The following TFPI variants were observed in gnomAD, a reference collection of about 807,000 sequenced individuals.
The protein encoded by TFPI is tissue factor pathway inhibitor.
In TFPI, 15 loss-of-function variants were observed where a neutral mutation model predicts 34.6. The ratio of observed to expected loss-of-function variants is 0.43; its 90% CI spans 0.29 to 0.67. The LOEUF is 0.67. Ranked by LOEUF, TFPI falls within the 30% of genes least tolerant of loss-of-function variation. The pLI is 0.15. For synonymous variants in TFPI, 105 were observed against 120.1 expected (o/e 0.87, Z 0.82); for missense variants, 301 against 364.0 (o/e 0.83, Z 1.41).
chr2:187,496,645 G>A lies in TFPI; in HGVS notation c.319+236C>T, dbSNP rs540839292. ...GATAATTTGCTTTAAAATGTCTCTC[G>A]GGCATATAGAGAGTTTCTGGTACCT... On this transcript the variant is annotated intron_variant, in intron 3 of 7. Coordinates refer to ENST00000233156, the MANE Select transcript of TFPI (RefSeq NM_006287.6). 2.8e-4 allele frequency among the ~76,000 whole-genome samples: 42 copies of A among 152,006 alleles called. No individual in the cohort carries two copies. In the South Asian group the frequency reaches 7.3e-3, roughly 26 times the overall value.
chr2:187,488,996 C>G (rs1693504324), intron 3 of TFPI, among the ~76,000 whole-genome samples: 1 of 151,382 alleles, frequency 6.6e-6, no homozygotes, highest in Non-Finnish European at 1.5e-5. Context: ...ATTCTAAGTT[C>G]TAATTTAAAT....
intron 1 of TFPI, among the ~76,000 whole-genome samples, chr2:187,549,974 G>A (rs1467321741): frequency 6.6e-6 from 1 of 152,030 alleles, no homozygotes; most frequent in East Asian, 1.9e-4. Flanking sequence ...CCCCACATTT[G>A]TACATTTGTT....
chr2:187,530,528 C>G (rs1007427875), intron 1 of TFPI, among the ~76,000 whole-genome samples: 2 of 152,172 alleles, frequency 1.3e-5, no homozygotes, highest in South Asian at 2.1e-4. Flanking sequence ...TGGCATCGTC[C>G]CCTGACTTAA....
Position 187,464,312 on chromosome 2 carries a change from A to C in TFPI, c.*2624T>G, listed in dbSNP as rs1019347904. 2.6e-5 allele frequency: 4 copies of C among 152,294 alleles called. No individual in the cohort carries two copies. Among genetic ancestry groups the C allele is most frequent in the African/African-American group, 7.2e-5 (3 of 41,564 alleles). 9.4% of individuals were successfully genotyped at this position (152,294 alleles called of 1,614,324 possible). A position where few individuals can be genotyped will look rare whatever the true frequency, so the allele number is the denominator to read the frequency against. On this transcript the variant is annotated 3_prime_UTR_variant, in exon 8 of 8. Transcript: ENST00000233156. ...GAGTGGTTTTCAGCATGATCTGTTA[A>C]TTTTGAATACAGAGAATGAACAAAG...
chr2:187,549,460 C>A (rs1034130420), intron 1 of TFPI, among the ~76,000 whole-genome samples: 17 of 152,058 alleles, frequency 1.1e-4, no homozygotes, highest in African/African-American at 4.1e-4. Context: ...TGGGAAGTAC[C>A]TGTTGAACAA....
chr2:187,539,964 T>C (rs1688484988), intron 1 of TFPI, among the ~76,000 whole-genome samples: 1 of 151,024 alleles, frequency 6.6e-6, no homozygotes, highest in Non-Finnish European at 1.5e-5. Context: ...AGTGGCTCGA[T>C]CTCGGCTCAC....
At chr2:187,481,205 A>C (rs1427634985) in intron 6 of TFPI, among the ~76,000 whole-genome samples, 1 of 152,102 alleles carries the variant, frequency 6.6e-6, no homozygotes, top group East Asian at 1.9e-4. Context: ...TGTACATTGA[A>C]TTGAAACTTT....
At position 187,537,694 on chromosome 2, in the gene TFPI, TA is replaced by T. The variant is rs761505531; in HGVS notation, c.-3+16505del. Reference sequence around the variant, plus strand: ...TAGGCATGGCCGAAGACTTCATCACTAAAACACCAAAAGCAATGGCAACAAA... The same window carrying T: ...TAGGCATGGCCGAAGACTTCATCACTAAACACCAAAAGCAATGGCAACAAA... On this transcript the variant is annotated intron_variant, in intron 1 of 7. Transcript: ENST00000233156. Among the ~76,000 whole-genome samples the T allele has an allele frequency of 7.9e-5, 12 of 152,270 alleles. No homozygotes were observed. In the East Asian group the frequency reaches 1.3e-3, roughly 17 times the overall value.
At chr2:187,497,258 A>G (rs8176449) in intron 2 of TFPI, among the ~76,000 whole-genome samples, 180 bp from the exon 3 acceptor site, 5,409 of 152,136 alleles carry the variant, frequency 0.036, 288 homozygotes, top group African/African-American at 0.11. Context: ...CACCAAATGA[A>G]ACACAACTTC....
chr2:187,520,332 C>T (rs1193592239), intron 1 of TFPI, among the ~76,000 whole-genome samples: 1 of 152,088 alleles, frequency 6.6e-6, no homozygotes, highest in Non-Finnish European at 1.5e-5. Context: ...GGAAAAGCAT[C>T]GTATCTAGGC....
At chr2:187,515,134 T>C (rs1334357524) in intron 1 of TFPI, 6 of 152,202 alleles carry the variant, frequency 3.9e-5, no homozygotes, top group African/African-American at 9.7e-5. Context: ...AGATGGCGTT[T>C]CTAAGAGTTG....
intron 1 of TFPI, among the ~76,000 whole-genome samples, chr2:187,548,237 T>C (rs988970006): frequency 2.6e-5 from 4 of 152,092 alleles, no homozygotes; most frequent in African/African-American, 9.7e-5. Context: ...GTCTTCTTTA[T>C]TGGAGATTTC....
intron 1 of TFPI, among the ~76,000 whole-genome samples, chr2:187,522,074 A>G (rs1227532423): frequency 2.0e-5 from 3 of 152,070 alleles, no homozygotes; most frequent in Admixed American, 2.0e-4. Context: ...ATTTTTTAAA[A>G]ATTTCTGCTA....
At chr2:187,504,518 T>C (rs1212991943) in intron 1 of TFPI, among the ~76,000 whole-genome samples, 2 of 147,976 alleles carry the variant, frequency 1.4e-5, no homozygotes, top group Non-Finnish European at 3.0e-5. Flanking sequence ...AATAGGAGAG[T>C]GAGACTTTTC....
intron 1 of TFPI, among the ~76,000 whole-genome samples, chr2:187,509,371 T>G (rs1686457637): frequency 6.6e-6 from 1 of 152,182 alleles, no homozygotes; most frequent in Admixed American, 6.5e-5. Flanking sequence ...TCAGAAGGAA[T>G]GGTACCATCT....
chr2:187,553,341 G>A (rs529153179), intron 1 of TFPI, among the ~76,000 whole-genome samples: 1 of 152,036 alleles, frequency 6.6e-6, no homozygotes, highest in Non-Finnish European at 1.5e-5. Flanking sequence ...AGAGCACTGA[G>A]TCACAGTGTG....
chr2:187,506,683 A>G (rs1329829998), intron 1 of TFPI, among the ~76,000 whole-genome samples: 2 of 152,006 alleles, frequency 1.3e-5, no homozygotes, highest in African/African-American at 2.4e-5. Flanking sequence ...GTATCCCCTT[A>G]ATAGAATTTA....
intron 6 of TFPI, among the ~76,000 whole-genome samples, chr2:187,473,854 GTA>G (rs1354623876): frequency 6.6e-6 from 1 of 151,558 alleles, no homozygotes; most frequent in African/African-American, 2.4e-5. Flanking sequence ...TGAGGATAAA[GTA>G]TAGAAGGAGG....
rs767105673 is a variant in TFPI at position 187,503,650 on chromosome 2, G to A, written c.119C>T (p.Thr40Ile). 2.0e-5 allele frequency: 33 copies of A among 1,612,010 alleles called. No homozygotes were observed. Among genetic ancestry groups the A allele is most frequent in the Non-Finnish European group, 2.7e-5 (32 of 1,178,856 alleles). ...SEEDEEHTII[T>I]DTELPPLKLM... Reference sequence around the variant, plus strand: ...GATAATTGCTTCTAATATTTTACCTGTGATAATTGTGTGTTCTTCATCTTC... The same window carrying A: ...GATAATTGCTTCTAATATTTTACCTATGATAATTGTGTGTTCTTCATCTTC... The change falls in exon 2 of 8, where the codon ACA becomes ATA. Residue 40 changes from threonine (T) to isoleucine (I), a missense_variant and splice_region_variant. Transcript: ENST00000233156.
Sources: allele counts gnomAD v4.1 joint callset (sites outside exome capture counted in the v4.1 genomes callset), GRCh38; gene constraint gnomAD v4.1.1; transcripts MANE v1.5; gene names NCBI Gene and HGNC (gene_info 2026-07-23, HGNC 2026-07-21).